The following DNAH5 variants were observed in gnomAD, a reference collection of about 807,000 sequenced individuals.
DNAH5 encodes the protein axonemal beta dynein heavy chain 5.
DNAH5 carries 372 observed loss-of-function variants against 518.2 expected under a neutral mutation model. That is an observed-to-expected ratio of 0.72 (90% CI 0.66 to 0.78). DNAH5 has a LOEUF of 0.78. Among genes scored for constraint, DNAH5 ranks in the 30% least tolerant of loss-of-function variants. The pLI, the probability that DNAH5 is intolerant of heterozygous loss-of-function variation, is 0.00. For missense variants in DNAH5, 5,523 were observed against 5,687.0 expected, an observed-to-expected ratio of 0.97 and a Z score of 0.93; for synonymous variants, 2,039 against 2,025.9, an observed-to-expected ratio of 1.01 and a Z score of -0.17.
intron 47 of DNAH5, among the ~76,000 whole-genome samples, chr5:13,806,890 C>T (rs1249433388): frequency 6.6e-6 from 1 of 152,032 alleles, no homozygotes; most frequent in Non-Finnish European, 1.5e-5. Context: ...ATCTAAGGGT[C>T]TAAGATTTTA....
intron 74 of DNAH5, 134 bp from the exon 75 acceptor site, chr5:13,714,754 T>G: frequency 1.2e-6 from 1 of 839,878 alleles, no homozygotes; most frequent in Non-Finnish European, 1.9e-6. Flanking sequence ...AGCTACAAAC[T>G]CAATAATTTC....
chr5:13,900,269 A>G lies in DNAH5; in HGVS notation c.2196T>C (p.Ser732=), dbSNP rs1328266176. ...ECMAQMGLEV[S]PLATSLFQKR... ...TCTGGAAGAGGGAAGTTGCCAGTGG[A>G]GAGACTTCCAGACCCATCTGGGCCA... The change falls in exon 15 of 79, where the codon TCT becomes TCC. Residue 732 remains serine (S), a synonymous_variant. Coordinates refer to ENST00000265104, the MANE Select transcript of DNAH5 (RefSeq NM_001369.3). 1 of 1,614,060 alleles carries G rather than the reference A, an allele frequency of 6.2e-7. No individual in the cohort carries two copies. The highest frequency in any genetic ancestry group is 8.5e-7 in the Non-Finnish European group (1 of 1,180,006).
chr5:13,830,944 CA>C (rs1561376980), intron 35 of DNAH5, among the ~76,000 whole-genome samples, 169 bp from the exon 36 acceptor site: 2 of 152,140 alleles, frequency 1.3e-5, no homozygotes, highest in Non-Finnish European at 1.5e-5. Flanking sequence ...TCAATGTTAA[CA>C]TATGTTGAGG....
Position 13,984,187 on chromosome 5 carries a change from G to A in DNAH5, c.12+27461C>T, listed in dbSNP as rs571332740. The stretch of plus-strand genomic sequence containing the variant: ...GAGCCTGGAGCCAAGGTATGCAGCC[G>A]CCTCTAACTGCTCAAAAAAGCAAAG... On this transcript the variant is annotated intron_variant, in intron 1 of 78. Transcript: ENST00000681290. Among the ~76,000 whole-genome samples, 383 of 152,296 alleles carry A rather than the reference G, an allele frequency of 2.5e-3. 1 individual carries two copies. The highest frequency in any genetic ancestry group is 5.0e-3 in the South Asian group (24 of 4,824).
chr5:13,784,605 C>G (rs983391653), intron 52 of DNAH5, among the ~76,000 whole-genome samples: 1 of 152,150 alleles, frequency 6.6e-6, no homozygotes, highest in African/African-American at 2.4e-5. Flanking sequence ...ACTAGATAAC[C>G]TCTAAAACCC....
intron 67 of DNAH5, among the ~76,000 whole-genome samples, chr5:13,735,556 C>T (rs956197291): frequency 1.3e-5 from 2 of 152,152 alleles, no homozygotes; most frequent in Admixed American, 6.5e-5. Flanking sequence ...TCACTCACAA[C>T]GATATCTTGG....
chr5:13,914,061 T>C, intron 10 of DNAH5, 103 bp from the exon 11 acceptor site: 1 of 1,398,508 alleles, frequency 7.2e-7, no homozygotes, highest in African/African-American at 1.4e-5. Context: ...ATTGTAAGCC[T>C]TTTCATAGTT....
intron 1 of DNAH5, among the ~76,000 whole-genome samples, chr5:14,008,167 G>A (rs1161083320): frequency 2.2e-5 from 3 of 138,012 alleles, no homozygotes; most frequent in Non-Finnish European, 4.6e-5. Context: ...GCGAGAATCC[G>A]TCTTAGAAAA....
chr5:13,824,018 G>A (rs1762572347), intron 39 of DNAH5, among the ~76,000 whole-genome samples, 181 bp downstream of exon 39: 1 of 152,118 alleles, frequency 6.6e-6, no homozygotes, highest in Non-Finnish European at 1.5e-5. Flanking sequence ...GGAGTGGATA[G>A]GAATCATTAC....
chr5:13,723,356 A>G (rs1745304044), intron 70 of DNAH5, among the ~76,000 whole-genome samples: 1 of 152,222 alleles, frequency 6.6e-6, no homozygotes, highest in Non-Finnish European at 1.5e-5. Context: ...GGCATTCCAC[A>G]GTTGCAGCTG....
intron 42 of DNAH5, among the ~76,000 whole-genome samples, chr5:13,815,500 A>C (rs1337100635): frequency 3.3e-5 from 5 of 152,248 alleles, no homozygotes; most frequent in Admixed American, 6.5e-5. Context: ...GCAAGAAATC[A>C]GCAGACTGCA....
chr5:13,944,464 G>T lies in DNAH5; in HGVS notation c.-26C>A. On this transcript the variant is annotated 5_prime_UTR_variant, in exon 1 of 79. Transcript: ENST00000265104. ...TGTAGCCGTGCATGGACAGGCTGGA[G>T]TCAGCTCTTCCGGAATGGTCTTCTA... is the stretch of plus-strand genomic sequence containing the variant. 6.2e-7 allele frequency: 1 copy of T among 1,608,510 alleles called. No homozygotes were observed. Among genetic ancestry groups the T allele is most frequent in the Non-Finnish European group, 8.5e-7 (1 of 1,177,198 alleles).
intron 1 of DNAH5, among the ~76,000 whole-genome samples, chr5:13,950,916 G>A (rs1435804782): frequency 6.6e-6 from 1 of 152,038 alleles, no homozygotes; most frequent in Non-Finnish European, 1.5e-5. Flanking sequence ...ACAACCAACA[G>A]CTTGGGAATA....
intron 41 of DNAH5, among the ~76,000 whole-genome samples, chr5:13,818,898 G>A (rs1761847691): frequency 6.6e-6 from 1 of 152,158 alleles, no homozygotes; most frequent in South Asian, 2.1e-4. Flanking sequence ...TTTTCAGTGA[G>A]AAACAATGGT....
chr5:13,991,702 G>A (rs1336171822), intron 1 of DNAH5, among the ~76,000 whole-genome samples: 2 of 152,264 alleles, frequency 1.3e-5, no homozygotes, highest in East Asian at 3.9e-4. Context: ...GAACAGAGGT[G>A]TGAGGGGGAG....
At chr5:13,779,025 T>G (rs1389713951) in intron 53 of DNAH5, among the ~76,000 whole-genome samples, 1 of 152,196 alleles carries the variant, frequency 6.6e-6, no homozygotes, top group Non-Finnish European at 1.5e-5. Context: ...AGATCAGAGA[T>G]GTTGGGCAAG....
At chr5:13,867,214 TTTGG>T in intron 25 of DNAH5, among the ~76,000 whole-genome samples, 1 of 152,186 alleles carries the variant, frequency 6.6e-6, no homozygotes, top group East Asian at 1.9e-4. Flanking sequence ...TGAAATCCGA[TTTGG>T]TTAGGCTTTC....
chr5:13,880,640 A>T (rs1771527036), intron 21 of DNAH5, among the ~76,000 whole-genome samples: 1 of 152,020 alleles, frequency 6.6e-6, no homozygotes. Context: ...TAATTAGTAT[A>T]AGATGTTTTA....
chr5:13,925,433 G>C (rs1372213819), intron 3 of DNAH5, among the ~76,000 whole-genome samples: 1 of 152,192 alleles, frequency 6.6e-6, no homozygotes, highest in Non-Finnish European at 1.5e-5. Context: ...CCATTTTCAT[G>C]CTGCTGATGG....
Sources: gnomAD v4.1 joint callset for allele counts (sites outside exome capture counted in the v4.1 genomes callset) on GRCh38, gnomAD v4.1.1 for gene constraint, MANE v1.5 for transcripts, NCBI Gene and HGNC (gene_info 2026-07-23, HGNC 2026-07-21) for gene names.